IGSF1: variants seen among roughly 807,000 people sequenced by gnomAD.
IGSF1 encodes immunoglobulin superfamily member 1.
A neutral mutation model predicts 95.3 loss-of-function variants in IGSF1; 40 were observed. The observed-to-expected ratio is 0.42, with a 90% CI of 0.33 to 0.55. The LOEUF (loss-of-function observed/expected upper bound fraction) is 0.55, where lower values mean the gene tolerates loss of function less well. Among genes scored for constraint, IGSF1 ranks in the 20% least tolerant of loss-of-function variants. The pLI is 0.10. For synonymous variants in IGSF1, 372 were observed against 382.9 expected, an observed-to-expected ratio of 0.97 and a Z score of 0.33; for missense variants, 906 against 1,025.4, an observed-to-expected ratio of 0.88 and a Z score of 1.59.
At chrX:131,282,415 T>A in intron 7 of IGSF1, 29 bp downstream of exon 7, 1 of 1,154,861 alleles carries the variant, frequency 8.7e-7, no homozygotes, top group Middle Eastern at 2.4e-4. Flanking sequence ...ACAAACAGGT[T>A]GATAATAAAA....
chrX:131,285,764 T>C lies in IGSF1; in HGVS notation c.379+3A>G, dbSNP rs367709381. The C allele has an allele frequency of 1.7e-6, 2 of 1,202,325 alleles. No homozygotes were observed. Among genetic ancestry groups the C allele is most frequent in the Admixed American group, 4.4e-5 (2 of 45,511 alleles). ...TGATTCTTGAGTATCACTGTCATCT[T>C]ACCTGGTGCCTCCAACTCTAGAACT... On this transcript the variant is annotated splice_donor_region_variant and intron_variant, in intron 4 of 19. Coordinates refer to ENST00000361420, the MANE Select transcript of IGSF1 (RefSeq NM_001555.5).
intron 13 of IGSF1, chrX:131,277,556 T>C: frequency 2.7e-6 from 1 of 376,688 alleles, no homozygotes; most frequent in African/African-American, 2.5e-5. Context: ...GGGAAAATGG[T>C]ACCTGCTTCA....
At chrX:131,284,705 A>G in intron 5 of IGSF1, 1 of 749,640 alleles carries the variant, frequency 1.3e-6, no homozygotes, top group African/African-American at 2.4e-5. Context: ...GAGCTATCAC[A>G]TTCTTTGTCA....
At chrX:131,281,005 C>T (rs1383733258) in intron 9 of IGSF1, 1 of 390,773 alleles carries the variant, frequency 2.6e-6, no homozygotes, top group African/African-American at 2.5e-5. Flanking sequence ...ACTCCTCTTG[C>T]CTCTGAGAAC....
chrX:131,285,301 G>A lies in IGSF1; in HGVS notation c.545C>T (p.Ala182Val), dbSNP rs1227057524. The change falls in exon 5 of 20, where the codon GCC becomes GTC. Residue 182 changes from alanine to valine, a missense_variant. Coordinates refer to ENST00000361420, the MANE Select transcript of IGSF1 (RefSeq NM_001555.5). ...TGTCAGGTTGTCAATGGAGAATATGGCCATTGTCCCAGTTGGGACTTGGTA... is the reference window on the plus strand; with the variant it reads ...TGTCAGGTTGTCAATGGAGAATATGACCATTGTCCCAGTTGGGACTTGGTA... ...VDYQVPTGTM[A>V]IFSIDNLTPE... 2.5e-6 allele frequency: 3 copies of A among 1,207,663 alleles called. No individual in the cohort carries two copies. The African/African-American group carries it at 5.2e-5, about 21-fold the overall frequency.
intron 9 of IGSF1, among the ~76,000 whole-genome samples, chrX:131,280,005 C>T (rs4830220): frequency 0.36 from 39,743 of 110,937 alleles, 6,069 homozygotes; most frequent in South Asian, 0.59. Flanking sequence ...CAAAATCCAT[C>T]GGACAATTTT....
rs989058478 is a variant in IGSF1 at position 131,274,134 on chromosome X, A to G, written c.3824T>C (p.Leu1275Ser). 1.7e-6 allele frequency: 2 copies of G among 1,211,536 alleles called. No homozygotes were observed. The highest frequency in any genetic ancestry group is 2.2e-6 in the Non-Finnish European group (2 of 895,335). ...SSLIVVVVVA[L>S]GVVLAIEWKK... is the part of the protein sequence containing the mutation. ...CCACTCTATGGCTAGCACTACCCCCAAGGCTACAACAACCACCACGATTAG... is the reference window on the plus strand; with the variant it reads ...CCACTCTATGGCTAGCACTACCCCCGAGGCTACAACAACCACCACGATTAG... Residue 1275 changes from leucine (L) to serine (S), a missense_variant, in exon 19 of 20, where the codon TTG (leucine) becomes TCG (serine). By Grantham distance (145) the Leu-to-Ser change is moderately radical (BLOSUM62 -2). Coordinates refer to ENST00000361420, the MANE Select transcript of IGSF1 (RefSeq NM_001555.5).
rs188493409 is a variant in IGSF1 at position 131,286,078 on chromosome X, A to T, written c.98-30T>A. The T allele has an allele frequency of 1.1e-5, 12 of 1,139,210 alleles. No individual in the cohort carries two copies. In the African/African-American group the frequency reaches 1.4e-4, roughly 14 times the overall value. 93.9% of individuals were successfully genotyped at this position (1,139,210 alleles called of 1,213,427 possible). On this transcript the variant is annotated intron_variant, in intron 3 of 19. Transcript: ENST00000361420. The stretch of plus-strand genomic sequence containing the variant: ...TATTCCCAAAGATCAAAAAGATATG[A>T]GCAGTCCAACCCTCTCCCTCCCATA...
Position 131,274,703 on chromosome X carries a change from A to G in IGSF1, c.3647T>C (p.Val1216Ala), listed in dbSNP as rs753341895. 18 of 1,209,862 alleles carry G rather than the reference A, an allele frequency of 1.5e-5. No individual in the cohort carries two copies. In the South Asian group the frequency reaches 2.8e-4, roughly 19 times the overall value. Residue 1216 changes from valine (V) to alanine (A), a missense_variant, in exon 18 of 20, where the codon GTA becomes GCA. By Grantham distance (64) the Val-to-Ala change is moderately conservative. Transcript: ENST00000361420. Reference protein sequence around the residue: ...SEDGDFVINNVEGKGIGNYSC... With the variant: ...SEDGDFVINNAEGKGIGNYSC... ...GTAGTTTCCAATGCCTTTTCCTTCTACGTTGTTGATGACAAAGTCTCCATC... is the reference window on the plus strand; with the variant it reads ...GTAGTTTCCAATGCCTTTTCCTTCTGCGTTGTTGATGACAAAGTCTCCATC...
intron 4 of IGSF1, 92 bp from the exon 5 acceptor site, chrX:131,285,558 C>T (rs2080623043): frequency 2.1e-6 from 2 of 965,038 alleles, no homozygotes; most frequent in South Asian, 4.9e-5. Context: ...TTGAGGTTTC[C>T]CTGTATGATC....
intron 12 of IGSF1, 97 bp from the exon 13 acceptor site, chrX:131,278,231 C>T (rs1290250807): frequency 7.7e-6 from 7 of 904,158 alleles, no homozygotes; most frequent in African/African-American, 2.0e-5. Flanking sequence ...GACATTCATT[C>T]TGGGCTGGCC....
Position 131,286,048 on chromosome X carries a change from A to G in IGSF1, c.98T>C (p.Val33Ala), listed in dbSNP as rs375472462. ...IRMSLGMTSI[V>A]MDPQPELWIE... ...CCACAACTCTGGTTGAGGGTCCATC[A>G]CTGTTATTCCCAAAGATCAAAAAGA... Residue 33 changes from valine (V) to alanine (A), a missense_variant and splice_region_variant, in exon 4 of 20, where the codon GTG (valine) becomes GCG (alanine). Physicochemically the swap from Val to Ala is moderately conservative, Grantham distance 64. Coordinates refer to ENST00000361420, the MANE Select transcript of IGSF1 (RefSeq NM_001555.5). 6 of 1,187,581 alleles carry G rather than the reference A, an allele frequency of 5.1e-6. No homozygotes were observed. The highest frequency in any genetic ancestry group is 1.8e-5 in the African/African-American group (1 of 56,309).
rs1362052740 is a variant in IGSF1, at chrX:131,276,120, C to T, written c.2737G>A (p.Val913Ile). 1 of 1,211,112 alleles carries T rather than the reference C, an allele frequency of 8.3e-7. No homozygotes were observed. The highest frequency in any genetic ancestry group is 1.1e-6 in the Non-Finnish European group (1 of 895,272). The change falls in exon 15 of 20, where the codon GTT (valine) becomes ATT (isoleucine). Residue 913 changes from valine to isoleucine, a missense_variant. Around this residue, in one of 5 missense-constraint regions of IGSF1, gnomAD observed 411 missense variants for 494.9 expected, o/e 0.83. Transcript: ENST00000361420. The part of the protein sequence containing the change: ...RFALLQEGAH[V>I]PLQFRSVSGN... The stretch of plus-strand genomic sequence containing the variant: ...GAGACACTCCGAAACTGTAAGGGAA[C>T]ATGGGCTCCCTCCTGCAAGAGGGCG...
intron 13 of IGSF1, 101 bp from the exon 14 acceptor site, chrX:131,277,327 C>T (rs770573855): frequency 1.1e-3 from 915 of 821,441 alleles, no homozygotes; most frequent in Non-Finnish European, 1.5e-3. Context: ...AATATTGGTT[C>T]TCGGAGGCTT....
chrX:131,283,844 A>T (rs777714724), intron 5 of IGSF1, among the ~76,000 whole-genome samples: 1 of 109,910 alleles, frequency 9.1e-6, no homozygotes, highest in African/African-American at 3.3e-5. Flanking sequence ...ACCTCCTACC[A>T]CTCCTTCCTA....
chrX:131,277,718 G>A (rs1036506851), intron 13 of IGSF1, 138 bp downstream of exon 13: 14 of 660,562 alleles, frequency 2.1e-5, no homozygotes, highest in Admixed American at 3.2e-5. Context: ...CCAGCGCCAC[G>A]CCTGCCTGGC....
At position 131,275,628 on chromosome X, in the gene IGSF1, G is replaced by C; in HGVS notation, c.3034C>G (p.Gln1012Glu). Residue 1012 changes from glutamine (Q) to glutamate (E), a missense_variant, in exon 16 of 20, where the codon CAG (glutamine) becomes GAG (glutamate). Gln to Glu is a conservative substitution (Grantham distance 29). Around this residue, in one of 5 missense-constraint regions of IGSF1, gnomAD observed 411 missense variants for 494.9 expected, o/e 0.83. Transcript: ENST00000361420. ...TCATTACTGGTGGATCCCCAGAGCTGCATTGAAGTGGCTTCTCCTTCTTTG... is the reference window on the plus strand; with the variant it reads ...TCATTACTGGTGGATCCCCAGAGCTCCATTGAAGTGGCTTCTCCTTCTTTG... ...LHKEGEATSM[Q>E]LWGSTSNDGA... The C allele has an allele frequency of 8.3e-7, 1 of 1,211,349 alleles. No individual in the cohort carries two copies.
At chrX:131,275,342 C>T in intron 16 of IGSF1, 56 bp from the exon 17 acceptor site, 1 of 1,152,176 alleles carries the variant, frequency 8.7e-7, no homozygotes, top group East Asian at 3.0e-5. Context: ...GTGCATCACC[C>T]CTGGGGTCTC....
chrX:131,275,822 T>G, intron 15 of IGSF1, 57 bp from the exon 16 acceptor site: 2 of 1,163,252 alleles, frequency 1.7e-6, no homozygotes, highest in South Asian at 1.9e-5. Flanking sequence ...AGTTCCTGCT[T>G]AAATTAACAC....
Sources: allele counts gnomAD v4.1 joint callset (sites outside exome capture counted in the v4.1 genomes callset), GRCh38; gene constraint gnomAD v4.1.1; regional missense constraint gnomAD v4.1.1; transcripts MANE v1.5; gene names NCBI Gene and HGNC (gene_info 2026-07-23, HGNC 2026-07-21).